Variants in KIAA1958 observed in about 807,000 individuals in gnomAD.
KIAA1958 encodes the protein KIAA1958.
Under a neutral mutation model 47.2 loss-of-function variants are expected in KIAA1958, and 14 were observed. The ratio of observed to expected loss-of-function variants is 0.30; its 90% CI spans 0.20 to 0.46. The LOEUF (loss-of-function observed/expected upper bound fraction) is 0.46, where lower values mean the gene tolerates loss of function less well. Ranked by LOEUF, KIAA1958 falls within the 20% of genes least tolerant of loss-of-function variation. The pLI, the probability that KIAA1958 is intolerant of heterozygous loss-of-function variation, is 1.00. For synonymous variants in KIAA1958, 354 were observed against 353.3 expected (o/e 1.00, Z -0.02); for missense variants, 803 against 909.2 (o/e 0.88, Z 1.50).
chr9:112,658,761 C>T (rs1316809651), intron 3 of KIAA1958, among the ~76,000 whole-genome samples: 2 of 151,778 alleles, frequency 1.3e-5, no homozygotes, highest in Non-Finnish European at 2.9e-5. Context: ...AGATCGAGAC[C>T]ATCCTGGCTA....
At chr9:112,620,169 G>A (rs1360914495) in intron 2 of KIAA1958, among the ~76,000 whole-genome samples, 2 of 152,092 alleles carry the variant, frequency 1.3e-5, no homozygotes, top group African/African-American at 4.8e-5. Flanking sequence ...TTCAAGTCTT[G>A]ATGCCTGTGG....
At chr9:112,504,992 C>T (rs1834208381) in intron 1 of KIAA1958, among the ~76,000 whole-genome samples, 1 of 152,156 alleles carries the variant, frequency 6.6e-6, no homozygotes, top group Non-Finnish European at 1.5e-5. Context: ...TTCCTTCTAT[C>T]TTACTCTATG....
intron 2 of KIAA1958, among the ~76,000 whole-genome samples, chr9:112,643,206 G>A (rs1205664355): frequency 6.6e-6 from 1 of 152,152 alleles, no homozygotes; most frequent in Non-Finnish European, 1.5e-5. Flanking sequence ...TTTCACTGTA[G>A]TGACTCAAGC....
chr9:112,506,674 T>C (rs1834240772), intron 1 of KIAA1958, among the ~76,000 whole-genome samples: 1 of 152,178 alleles, frequency 6.6e-6, no homozygotes, highest in Non-Finnish European at 1.5e-5. Context: ...GTATTAAAAT[T>C]TCAGAAGTTT....
At chr9:112,567,264 A>G (rs1835441611) in intron 1 of KIAA1958, among the ~76,000 whole-genome samples, 1 of 152,238 alleles carries the variant, frequency 6.6e-6, no homozygotes, top group Non-Finnish European at 1.5e-5. Context: ...CTCCAACAAC[A>G]GTGGCTTAAA....
At chr9:112,587,619 A>G (rs1346984525) in intron 2 of KIAA1958, among the ~76,000 whole-genome samples, 1 of 152,224 alleles carries the variant, frequency 6.6e-6, no homozygotes, top group Non-Finnish European at 1.5e-5. Flanking sequence ...TACACCTATC[A>G]GTCTGCTTTT....
At chr9:112,621,327 T>C (rs1341577597) in intron 2 of KIAA1958, among the ~76,000 whole-genome samples, 2 of 152,218 alleles carry the variant, frequency 1.3e-5, no homozygotes, top group African/African-American at 4.8e-5. Context: ...GACAGCCTAC[T>C]TTAAGGGAAC....
chr9:112,508,478 A>G (rs1257502578), intron 1 of KIAA1958, among the ~76,000 whole-genome samples: 1 of 152,264 alleles, frequency 6.6e-6, no homozygotes, highest in Non-Finnish European at 1.5e-5. Flanking sequence ...AAGCAGCTAC[A>G]TACGATGATG....
chr9:112,532,724 T>C (rs759868296), intron 1 of KIAA1958, among the ~76,000 whole-genome samples: 2 of 152,236 alleles, frequency 1.3e-5, no homozygotes, highest in Non-Finnish European at 2.9e-5. Flanking sequence ...GTTAGTGTAC[T>C]GCTGTGTGTG....
intron 2 of KIAA1958, among the ~76,000 whole-genome samples, chr9:112,588,135 G>C (rs2131187291): frequency 6.6e-6 from 1 of 152,262 alleles, no homozygotes; most frequent in Admixed American, 6.5e-5. Context: ...TCACAAGTTT[G>C]TCAATATTTT....
At chr9:112,547,513 G>C (rs976107830) in intron 1 of KIAA1958, among the ~76,000 whole-genome samples, 2 of 151,970 alleles carry the variant, frequency 1.3e-5, no homozygotes, top group Non-Finnish European at 2.9e-5. Flanking sequence ...AGTCAGACAT[G>C]CTTCATTATA....
At chr9:112,613,612 A>G (rs966808543) in intron 2 of KIAA1958, among the ~76,000 whole-genome samples, 9 of 143,356 alleles carry the variant, frequency 6.3e-5, no homozygotes, top group African/African-American at 2.3e-4. Context: ...AGAATATGTT[A>G]AAAACCTTCT....
chr9:112,579,787 A>G (rs918563758), intron 2 of KIAA1958, among the ~76,000 whole-genome samples: 4 of 152,218 alleles, frequency 2.6e-5, no homozygotes, highest in African/African-American at 9.6e-5. Context: ...TATTACTGCC[A>G]GTTATTTGAT....
chr9:112,505,839 C>G (rs1408152106), intron 1 of KIAA1958, among the ~76,000 whole-genome samples: 1 of 152,134 alleles, frequency 6.6e-6, no homozygotes, highest in Admixed American at 6.5e-5. Flanking sequence ...TTTACTGGAG[C>G]AGACAGGAAC....
intron 2 of KIAA1958, among the ~76,000 whole-genome samples, chr9:112,609,528 CAG>C (rs1836288312): frequency 6.6e-6 from 1 of 152,096 alleles, no homozygotes; most frequent in South Asian, 2.1e-4. Context: ...GCAAAATGCA[CAG>C]AGATTGGGAA....
At chr9:112,550,974 T>C (rs1835132319) in intron 1 of KIAA1958, among the ~76,000 whole-genome samples, 1 of 152,000 alleles carries the variant, frequency 6.6e-6, no homozygotes, top group Non-Finnish European at 1.5e-5. Flanking sequence ...AGTCCTCCTT[T>C]CTTTGAATGA....
intron 2 of KIAA1958, among the ~76,000 whole-genome samples, chr9:112,603,071 G>A (rs1166593584): frequency 6.6e-6 from 1 of 152,130 alleles, no homozygotes; most frequent in Non-Finnish European, 1.5e-5. Flanking sequence ...CTCTTTTGGA[G>A]CTCATGGTCC....
intron 2 of KIAA1958, among the ~76,000 whole-genome samples, chr9:112,604,885 CTATA>C (rs775754318): frequency 2.0e-5 from 3 of 146,656 alleles, no homozygotes; most frequent in East Asian, 2.0e-4. Flanking sequence ...GGCGTGGACA[CTATA>C]TATATATAAT....
chr9:112,633,399 C>T (rs1836744483), intron 2 of KIAA1958, among the ~76,000 whole-genome samples: 1 of 152,072 alleles, frequency 6.6e-6, no homozygotes, highest in Non-Finnish European at 1.5e-5. Flanking sequence ...GTCTTCCCAT[C>T]TAGGTTCATG....
Sources: allele counts gnomAD v4.1 joint callset (sites outside exome capture counted in the v4.1 genomes callset), GRCh38; gene constraint gnomAD v4.1.1; transcripts MANE v1.5; gene names NCBI Gene and HGNC (gene_info 2026-07-23, HGNC 2026-07-21).